Variants in IGSF11 observed in about 807,000 individuals in gnomAD.
IGSF11 encodes the protein immunoglobulin superfamily member 11.
A neutral mutation model predicts 41.0 loss-of-function variants in IGSF11; 22 were observed. The ratio of observed to expected loss-of-function variants is 0.54; its 90% CI spans 0.38 to 0.77. The LOEUF is 0.77. Among genes scored for constraint, IGSF11 ranks in the 30% least tolerant of loss-of-function variants. IGSF11 has a pLI of 0.00. For missense variants in IGSF11, 444 were observed against 530.8 expected (o/e 0.84, Z 1.61); for synonymous variants, 219 against 201.3 (o/e 1.09, Z -0.74).
intron 1 of IGSF11, among the ~76,000 whole-genome samples, chr3:119,053,447 T>C (rs1173203060): frequency 6.6e-6 from 1 of 152,034 alleles, no homozygotes; most frequent in Non-Finnish European, 1.5e-5. Context: ...TACTCAGAAA[T>C]GTACCTAACC....
In IGSF11 at chr3:119,034,573, G is replaced by C; in HGVS notation, c.10C>G (p.Gln4Glu). Reference sequence around the variant, plus strand: ...AGCAAAGGCGCCAGAGGGGAACGCTGAGAAGTCATCCCGGGGCCGCAGGGA... The same window carrying C: ...AGCAAAGGCGCCAGAGGGGAACGCTCAGAAGTCATCCCGGGGCCGCAGGGA... Reference protein sequence around the residue: MTSQRSPLAPLLLL... With the variant: MTSERSPLAPLLLL... The change falls in exon 1 of 7, where the codon CAG becomes GAG. Residue 4 changes from glutamine to glutamate, a missense_variant. Transcript: ENST00000393775. 1 of 1,591,558 alleles carries C rather than the reference G, an allele frequency of 6.3e-7. No individual in the cohort carries two copies. The highest frequency in any genetic ancestry group is 8.5e-7 in the Non-Finnish European group (1 of 1,170,122).
In IGSF11 at chr3:119,110,689, T is replaced by C. The variant is rs562714452; in HGVS notation, c.-13-5484A>G. On this transcript the variant is annotated intron_variant, in intron 1 of 7. Transcript: ENST00000425327. ...TGATGCAGTTTCTTCCTAGTCTTGA[T>C]GGTCTTTACATTTTGGCATGATTTT... Among the ~76,000 whole-genome samples the C allele has an allele frequency of 5.3e-5, 8 of 152,348 alleles. No individual in the cohort carries two copies. In the East Asian group the frequency reaches 5.8e-4, roughly 11 times the overall value.
At chr3:118,920,341 T>A (rs1479442030) in intron 4 of IGSF11, among the ~76,000 whole-genome samples, 4 of 131,340 alleles carry the variant, frequency 3.0e-5, no homozygotes, top group Non-Finnish European at 4.7e-5. Context: ...ATAAATAAAT[T>A]AAATAAATAA....
At chr3:119,015,870 G>A (rs1347717724) in intron 1 of IGSF11, among the ~76,000 whole-genome samples, 3 of 152,098 alleles carry the variant, frequency 2.0e-5, no homozygotes, top group Non-Finnish European at 2.9e-5. Flanking sequence ...CACTTGGTGC[G>A]GGTAGGCATT....
At chr3:119,107,086 C>G (rs2077044112), upstream of IGSF11, among the ~76,000 whole-genome samples, 1 of 152,122 alleles carries the variant, frequency 6.6e-6, no homozygotes, top group South Asian at 2.1e-4. Flanking sequence ...GATTTATAGT[C>G]CTTTGGGTAT....
At chr3:118,972,360 C>CTT (rs138497819) in intron 1 of IGSF11, among the ~76,000 whole-genome samples, 16 of 152,276 alleles carry the variant, frequency 1.1e-4, no homozygotes, top group African/African-American at 3.1e-4. Context: ...GCTCTTACCA[C>CTT]TTTTTCTATT....
chr3:119,034,510 G>A (rs752614618), intron 1 of IGSF11, 21 bp downstream of exon 1: 29 of 1,550,152 alleles, frequency 1.9e-5, no homozygotes, highest in Admixed American at 1.7e-4. Flanking sequence ...CCACCGGGAA[G>A]AAAGGGCTGG....
intron 1 of IGSF11, among the ~76,000 whole-genome samples, chr3:118,954,501 T>C (rs1336751123): frequency 6.6e-6 from 1 of 152,108 alleles, no homozygotes; most frequent in Non-Finnish European, 1.5e-5. Context: ...TGGAATCAAC[T>C]TCTTACAAAT....
At chr3:119,030,899 G>T (rs139334201) in intron 1 of IGSF11, among the ~76,000 whole-genome samples, 1 of 152,132 alleles carries the variant, frequency 6.6e-6, no homozygotes, top group African/African-American at 2.4e-5. Context: ...ATTCAGTGTT[G>T]AGAGAGTATA....
chr3:118,935,007 A>G (rs1943131046), intron 1 of IGSF11, among the ~76,000 whole-genome samples: 1 of 151,960 alleles, frequency 6.6e-6, no homozygotes, highest in Admixed American at 6.6e-5. Context: ...AGCTCAAGTG[A>G]TACCTTCTCA....
intron 1 of IGSF11, among the ~76,000 whole-genome samples, chr3:119,110,458 C>T (rs373812877): frequency 1.4e-4 from 22 of 152,226 alleles, no homozygotes; most frequent in Non-Finnish European, 2.2e-4. Flanking sequence ...TCTTCCTCCA[C>T]CCTTTTATTT....
At chr3:118,968,840 G>A (rs1422125853) in intron 1 of IGSF11, among the ~76,000 whole-genome samples, 1 of 152,186 alleles carries the variant, frequency 6.6e-6, no homozygotes. Flanking sequence ...AGTCAGCTTT[G>A]TTGTACTTGT....
chr3:119,135,905 C>T (rs1306510196), intron 1 of IGSF11, among the ~76,000 whole-genome samples: 1 of 152,182 alleles, frequency 6.6e-6, no homozygotes, highest in Non-Finnish European at 1.5e-5. Context: ...GAGTTCATGT[C>T]CTTTGCAGGG....
At chr3:119,105,599 T>A (rs1259787174), upstream of IGSF11, among the ~76,000 whole-genome samples, 2 of 152,200 alleles carry the variant, frequency 1.3e-5, no homozygotes, top group African/African-American at 4.8e-5. Flanking sequence ...AGTAACACAC[T>A]TATCCAATTT....
At chr3:118,928,025 T>C (rs1301408656) in intron 3 of IGSF11, among the ~76,000 whole-genome samples, 2 of 152,114 alleles carry the variant, frequency 1.3e-5, no homozygotes, top group East Asian at 1.9e-4. Flanking sequence ...ACAAGGATAC[T>C]TGGGGGAGTA....
intron 1 of IGSF11, among the ~76,000 whole-genome samples, chr3:118,942,818 C>T (rs1011643857): frequency 1.1e-4 from 16 of 152,238 alleles, no homozygotes; most frequent in African/African-American, 3.4e-4. Context: ...GACCAACAGG[C>T]TTCCTGTCTC....
intron 1 of IGSF11, among the ~76,000 whole-genome samples, chr3:119,079,799 G>A (rs1464848750): frequency 1.3e-5 from 2 of 152,088 alleles, no homozygotes; most frequent in Non-Finnish European, 1.5e-5. Context: ...ATCAAATACC[G>A]CATGTTCTCT....
rs905029506 is a variant in IGSF11, at chr3:118,958,084, C to T, written c.53-27809G>A. Among the ~76,000 whole-genome samples, 5 of 152,306 alleles carry T rather than the reference C, an allele frequency of 3.3e-5. 1 individual carries two copies. The highest frequency in any genetic ancestry group is 1.9e-4 in the East Asian group (1 of 5,194). ...AAAGAAATATTAAACTTAACAGTGC[C>T]TATTCTAGAATCACTTGAAAATCAC... On this transcript the variant is annotated intron_variant, in intron 1 of 6. Transcript: ENST00000393775.
At chr3:119,015,285 C>T (rs905630202) in intron 1 of IGSF11, among the ~76,000 whole-genome samples, 3 of 152,182 alleles carry the variant, frequency 2.0e-5, no homozygotes, top group Admixed American at 1.3e-4. Flanking sequence ...TTCGTTACTG[C>T]TCTTAGCATT....
Sources: allele counts gnomAD v4.1 joint callset (sites outside exome capture counted in the v4.1 genomes callset), GRCh38; gene constraint gnomAD v4.1.1; transcripts MANE v1.5; gene names NCBI Gene and HGNC (gene_info 2026-07-23, HGNC 2026-07-21).